ARHGAP26: variants seen among roughly 807,000 people sequenced by gnomAD.
The protein encoded by ARHGAP26 is rho GTPase-activating protein 26.
A neutral mutation model predicts 104.8 loss-of-function variants in ARHGAP26; 38 were observed. The observed-to-expected ratio is 0.36, with a 90% CI of 0.28 to 0.48. The LOEUF is 0.48. Ranked by LOEUF, ARHGAP26 falls within the 20% of genes least tolerant of loss-of-function variation. The probability of loss-of-function intolerance (pLI) is 0.99; values close to 1 mark genes in which losing one functional copy is unlikely to be tolerated. For missense variants in ARHGAP26, 704 were observed against 947.9 expected, an observed-to-expected ratio of 0.74 and a Z score of 3.38; for synonymous variants, 341 against 340.0, an observed-to-expected ratio of 1.00 and a Z score of -0.03.
At chr5:142,951,056 T>G (rs1459256435) in intron 11 of ARHGAP26, among the ~76,000 whole-genome samples, 4 of 144,926 alleles carry the variant, frequency 2.8e-5, no homozygotes, top group Non-Finnish European at 4.5e-5. Flanking sequence ...CCCCTTCCCC[T>G]TCCCCCTCCC....
chr5:143,118,760 A>G (rs1795781879), intron 17 of ARHGAP26, among the ~76,000 whole-genome samples: 1 of 151,480 alleles, frequency 6.6e-6, no homozygotes, highest in Non-Finnish European at 1.5e-5. Context: ...TGACAGAGAA[A>G]GGCCTTGATC....
intron 22 of ARHGAP26, among the ~76,000 whole-genome samples, chr5:143,217,168 T>G (rs982669173): frequency 6.6e-6 from 1 of 152,074 alleles, no homozygotes; most frequent in African/African-American, 2.4e-5. Flanking sequence ...TTAAGAAGAA[T>G]GAATAAGGAA....
At chr5:142,825,645 T>C (rs1441152357) in intron 1 of ARHGAP26, among the ~76,000 whole-genome samples, 2 of 152,214 alleles carry the variant, frequency 1.3e-5, no homozygotes, top group Non-Finnish European at 2.9e-5. Flanking sequence ...AGCGGGACGA[T>C]ACATTCCTTC....
intron 17 of ARHGAP26, among the ~76,000 whole-genome samples, chr5:143,085,726 T>C (rs1790500632): frequency 6.6e-6 from 1 of 152,198 alleles, no homozygotes; most frequent in South Asian, 2.1e-4. Flanking sequence ...TTTATCCATC[T>C]GGTTGGATTT....
At chr5:142,948,042 A>T (rs905989276) in intron 11 of ARHGAP26, among the ~76,000 whole-genome samples, 1 of 151,170 alleles carries the variant, frequency 6.6e-6, no homozygotes, top group Non-Finnish European at 1.5e-5. Flanking sequence ...TAAACAAAAC[A>T]TTTTTTTTTG....
rs1480575879 is a variant in ARHGAP26 at position 142,847,421 on chromosome 5, G to A, written c.155-25979G>A. ...TGCCCGGGCTGGAGTGCAATGGCGC[G>A]ATCTCGGCTCACAGCAACCTCTGCC... On this transcript the variant is annotated intron_variant, in intron 1 of 22. Transcript: ENST00000645722. Among the ~76,000 whole-genome samples, 4 of 151,716 alleles carry A rather than the reference G, an allele frequency of 2.6e-5. No homozygotes were observed. The South Asian group carries it at 8.3e-4, about 32-fold the overall frequency.
At chr5:142,963,319 T>C (rs1348314407) in intron 11 of ARHGAP26, among the ~76,000 whole-genome samples, 1 of 151,470 alleles carries the variant, frequency 6.6e-6, no homozygotes, top group East Asian at 1.9e-4. Context: ...GCAGTGAACA[T>C]ATGTGTGCAT....
intron 12 of ARHGAP26, among the ~76,000 whole-genome samples, chr5:143,017,895 A>T (rs1426671399): frequency 6.6e-6 from 1 of 152,198 alleles, no homozygotes; most frequent in African/African-American, 2.4e-5. Context: ...TGCTGGACAA[A>T]GGCTATGCAT....
intron 20 of ARHGAP26, among the ~76,000 whole-genome samples, chr5:143,201,433 T>C (rs1807707025): frequency 6.6e-6 from 1 of 152,244 alleles, no homozygotes; most frequent in African/African-American, 2.4e-5. Flanking sequence ...AAATTTGATA[T>C]TGGAGGTTTC....
intron 12 of ARHGAP26, among the ~76,000 whole-genome samples, chr5:143,034,977 TA>T (rs1366585049): frequency 1.3e-5 from 2 of 152,226 alleles, no homozygotes; most frequent in Non-Finnish European, 2.9e-5. Context: ...ATTGGGTTAA[TA>T]GGCTCCTTAC....
intron 17 of ARHGAP26, among the ~76,000 whole-genome samples, chr5:143,081,966 C>T (rs1486849659): frequency 2.1e-5 from 3 of 145,160 alleles, no homozygotes; most frequent in East Asian, 2.1e-4. Flanking sequence ...GCCGAGATCG[C>T]GCCACTGCGC....
intron 20 of ARHGAP26, among the ~76,000 whole-genome samples, chr5:143,180,483 T>C (rs1397576651): frequency 6.6e-6 from 1 of 152,186 alleles, no homozygotes; most frequent in African/African-American, 2.4e-5. Context: ...AACATATCTG[T>C]GTTGGTGCAT....
intron 20 of ARHGAP26, among the ~76,000 whole-genome samples, chr5:143,179,529 G>A (rs1207635854): frequency 6.6e-6 from 1 of 152,206 alleles, no homozygotes; most frequent in Non-Finnish European, 1.5e-5. Context: ...TATGCCTGTA[G>A]GCTTTTGGCC....
intron 17 of ARHGAP26, among the ~76,000 whole-genome samples, chr5:143,100,226 T>G (rs968938606): frequency 1.3e-5 from 2 of 152,198 alleles, no homozygotes; most frequent in African/African-American, 4.8e-5. Flanking sequence ...CACAGCCACT[T>G]CTGAAAAGAA....
At chr5:142,955,124 A>ACACACC (rs1234070600) in intron 11 of ARHGAP26, among the ~76,000 whole-genome samples, 1 of 149,034 alleles carries the variant, frequency 6.7e-6, no homozygotes, top group African/African-American at 2.5e-5. Flanking sequence ...ACACACACAC[A>ACACACC]CCCCCCATCT....
At chr5:143,045,174 G>A (rs1307521331) in intron 14 of ARHGAP26, among the ~76,000 whole-genome samples, 1 of 152,078 alleles carries the variant, frequency 6.6e-6, no homozygotes, top group Admixed American at 6.5e-5. Flanking sequence ...GATTTTCCTG[G>A]GGATAGAGAA....
In ARHGAP26 at chr5:143,037,273, T is replaced by C. The variant is rs1782804532; in HGVS notation, c.1210+12T>C. 3 of 1,587,426 alleles carry C rather than the reference T, an allele frequency of 1.9e-6. No individual in the cohort carries two copies. The highest frequency in any genetic ancestry group is 2.7e-5 in the African/African-American group (2 of 74,560). On this transcript the variant is annotated intron_variant, in intron 13 of 22. Coordinates refer to ENST00000645722, the MANE Select transcript of ARHGAP26 (RefSeq NM_001135608.3). ...TGTGGAAACCAGAGGTAAAGTAGTTTAACAGATGGCATTGTTCTCATAGAA... is the reference window on the plus strand; with the variant it reads ...TGTGGAAACCAGAGGTAAAGTAGTTCAACAGATGGCATTGTTCTCATAGAA...
At chr5:143,160,249 T>A (rs1279568203) in intron 20 of ARHGAP26, among the ~76,000 whole-genome samples, 2 of 151,794 alleles carry the variant, frequency 1.3e-5, no homozygotes, top group Non-Finnish European at 2.9e-5. Flanking sequence ...TTAGTAGAGA[T>A]GGAGTTTCAC....
chr5:143,000,629 A>G (rs894146083), intron 11 of ARHGAP26, among the ~76,000 whole-genome samples: 6 of 152,262 alleles, frequency 3.9e-5, no homozygotes, highest in Non-Finnish European at 7.3e-5. Flanking sequence ...AACCAATTCA[A>G]ATGCTCATCA....
Sources: allele counts gnomAD v4.1 joint callset (sites outside exome capture counted in the v4.1 genomes callset), GRCh38; gene constraint gnomAD v4.1.1; transcripts MANE v1.5; gene names NCBI Gene and HGNC (gene_info 2026-07-23, HGNC 2026-07-21).